HELZ: variants seen among roughly 807,000 people sequenced by gnomAD.
HELZ encodes the protein ATP-dependent RNA helicase with zinc finger domain.
In HELZ, 23 loss-of-function variants were observed where a neutral mutation model predicts 218.2. The observed-to-expected ratio is 0.11, with a 90% CI of 0.08 to 0.15. The LOEUF (loss-of-function observed/expected upper bound fraction) is 0.15. HELZ is among the 10% of genes least tolerant of loss of function. HELZ has a pLI of 1.00. For synonymous variants in HELZ, 814 were observed against 829.4 expected (o/e 0.98, Z 0.32); for missense variants, 1,813 against 2,353.7 (o/e 0.77, Z 4.75).
At chr17:67,172,490 A>ATTTTT (rs11462746) in intron 13 of HELZ, among the ~76,000 whole-genome samples, 8 of 152,008 alleles carry the variant, frequency 5.3e-5, no homozygotes, top group African/African-American at 1.9e-4. Flanking sequence ...TAATAATCTG[A>ATTTTT]TTTTTCCCAA....
At chr17:67,116,484 TACACAC>T (rs144779116) in intron 27 of HELZ, among the ~76,000 whole-genome samples, 17 of 147,826 alleles carry the variant, frequency 1.2e-4, no homozygotes, top group South Asian at 6.4e-4. Context: ...AAGGTAAAAA[TACACAC>T]ACACACACAC....
intron 32 of HELZ, among the ~76,000 whole-genome samples, chr17:67,081,906 TG>T (rs759537041): frequency 0.4 from 38,583 of 96,450 alleles, 5,031 homozygotes; most frequent in East Asian, 0.53. Flanking sequence ...AAGAGCAGAG[TG>T]ATCAGAAGAC....
chr17:67,244,480 A>T (rs2041413806), intron 1 of HELZ: 1 of 462,208 alleles, frequency 2.2e-6, no homozygotes. Flanking sequence ...TGAGCCCTTG[A>T]AAAGGGTACT....
At chr17:67,241,908 A>G (rs1026321898) in intron 2 of HELZ, among the ~76,000 whole-genome samples, 1 of 152,218 alleles carries the variant, frequency 6.6e-6, no homozygotes, top group Admixed American at 6.5e-5. Flanking sequence ...TCAGTGGCCA[A>G]CCACTAACTT....
intron 21 of HELZ, among the ~76,000 whole-genome samples, chr17:67,143,620 GA>G (rs574335682): frequency 3.2e-3 from 428 of 133,764 alleles, no homozygotes; most frequent in East Asian, 0.016. Context: ...AAAAAACAAA[GA>G]AAAAAAAAAA....
In HELZ at chr17:67,145,769, T is replaced by A. The variant is rs1464649109; in HGVS notation, c.2743A>T (p.Ser915Cys). ...TCTGCATTATTATAAAAAGCTGTGC[T>A]ATTTTTTTCTTGTACATCTTCTCCT... ...ARGEDVQEKN[S>C]TAFYNNAEVF... Residue 915 changes from serine to cysteine, a missense_variant, in exon 21 of 33, where the codon AGC (serine) becomes TGC (cysteine). Ser to Cys is a moderately radical substitution (Grantham distance 112). This residue lies in a region of HELZ where 156 missense variants were observed against 274.4 expected (regional missense o/e 0.57). Coordinates refer to ENST00000358691, the MANE Select transcript of HELZ (RefSeq NM_014877.4). 3.7e-6 allele frequency: 6 copies of A among 1,611,430 alleles called. No individual in the cohort carries two copies. The highest frequency in any genetic ancestry group is 5.1e-6 in the Non-Finnish European group (6 of 1,178,162).
intron 3 of HELZ, among the ~76,000 whole-genome samples, chr17:67,220,556 C>T (rs1366698406): frequency 6.6e-6 from 1 of 152,160 alleles, no homozygotes; most frequent in Non-Finnish European, 1.5e-5. Context: ...AATCACTGCT[C>T]ACTGCAGCCT....
intron 31 of HELZ, among the ~76,000 whole-genome samples, chr17:67,099,353 T>G (rs892852819): frequency 2.6e-5 from 4 of 151,582 alleles, no homozygotes; most frequent in African/African-American, 9.7e-5. Flanking sequence ...TTAATGTTGT[T>G]TAAAGGCTCA....
intron 20 of HELZ, among the ~76,000 whole-genome samples, chr17:67,147,024 T>A: frequency 6.6e-6 from 1 of 152,210 alleles, no homozygotes; most frequent in East Asian, 1.9e-4. Flanking sequence ...TAAAACTTAT[T>A]AATAAGTTTC....
intron 12 of HELZ, among the ~76,000 whole-genome samples, chr17:67,180,877 CAA>C (rs1019801835): frequency 4.5e-4 from 19 of 41,896 alleles, no homozygotes; most frequent in Non-Finnish European, 4.9e-4. Flanking sequence ...GACTCCATCT[CAA>C]AAAAAAAAAA....
At chr17:67,242,050 T>C (rs2041326234) in intron 2 of HELZ, among the ~76,000 whole-genome samples, 1 of 152,230 alleles carries the variant, frequency 6.6e-6, no homozygotes. Context: ...CATTTTAGAC[T>C]ACAAACAAAC....
chr17:67,217,921 T>G (rs1321434293), intron 4 of HELZ, among the ~76,000 whole-genome samples: 17 of 148,800 alleles, frequency 1.1e-4, no homozygotes, highest in Middle Eastern at 3.4e-3. Context: ...TTGGTTTTTG[T>G]TTTTTGTTGT....
rs773869537 is a variant in HELZ at position 67,107,595 on chromosome 17, C to T, written c.4815G>A (p.Leu1605=). The T allele has an allele frequency of 5.0e-6, 8 of 1,614,052 alleles. No homozygotes were observed. In the South Asian group the frequency reaches 7.7e-5, roughly 16 times the overall value. The change falls in exon 31 of 33, where the codon TTG becomes TTA. Residue 1605 remains leucine (L), a synonymous_variant. Coordinates refer to ENST00000358691, the MANE Select transcript of HELZ (RefSeq NM_014877.4). The stretch of plus-strand genomic sequence containing the variant: ...TTCTACTCTGTACTTGTCTATATTG[C>T]AAAAGTCTTGATTGAGGTGGTGGCA... ...AEMPPPQSRL[L]QYRQVQSRSP...
At chr17:67,239,604 A>C (rs910179715) in intron 2 of HELZ, 115 bp from the exon 3 acceptor site, 1 of 152,222 alleles carries the variant, frequency 6.6e-6, no homozygotes, top group Admixed American at 6.5e-5. Flanking sequence ...TTTGGTCCAC[A>C]CTAGTTCAAT....
intron 31 of HELZ, among the ~76,000 whole-genome samples, chr17:67,103,634 G>A (rs1324425352): frequency 2.0e-5 from 3 of 152,170 alleles, no homozygotes; most frequent in Non-Finnish European, 4.4e-5. Context: ...TCAGGTACTC[G>A]AAGACTTAAT....
chr17:67,238,650 CA>C (rs2041248313), intron 3 of HELZ, among the ~76,000 whole-genome samples: 1 of 152,140 alleles, frequency 6.6e-6, no homozygotes, highest in Non-Finnish European at 1.5e-5. Context: ...CCATTCATTG[CA>C]CTCCAGCCTA....
chr17:67,201,192 G>A lies in HELZ; in HGVS notation c.373-7C>T. On this transcript the variant is annotated splice_polypyrimidine_tract_variant and splice_region_variant and intron_variant, in intron 6 of 32. Transcript: ENST00000358691. Reference sequence around the variant, plus strand: ...CCTTTGTTACCATCCCATTCTGAAAGGGTGAATAAAAAAGAGAAGAACCAA... The same window carrying A: ...CCTTTGTTACCATCCCATTCTGAAAAGGTGAATAAAAAAGAGAAGAACCAA... The A allele has an allele frequency of 6.3e-7, 1 of 1,593,512 alleles. No homozygotes were observed. Among genetic ancestry groups the A allele is most frequent in the Non-Finnish European group, 8.6e-7 (1 of 1,163,742 alleles).
At chr17:67,103,607 T>C (rs570087457) in intron 31 of HELZ, among the ~76,000 whole-genome samples, 8 of 152,172 alleles carry the variant, frequency 5.3e-5, no homozygotes, top group African/African-American at 1.7e-4. Context: ...CCTGAACAAA[T>C]AGAAAGATGT....
intron 12 of HELZ, among the ~76,000 whole-genome samples, chr17:67,182,914 A>G (rs923245216): frequency 2.0e-5 from 3 of 152,186 alleles, no homozygotes; most frequent in Non-Finnish European, 4.4e-5. Flanking sequence ...CTTTAACAGG[A>G]CCTGGAAGGT....
Sources: allele counts gnomAD v4.1 joint callset (sites outside exome capture counted in the v4.1 genomes callset), GRCh38; gene constraint gnomAD v4.1.1; regional missense constraint gnomAD v4.1.1; transcripts MANE v1.5; gene names NCBI Gene and HGNC (gene_info 2026-07-23, HGNC 2026-07-21).